Variants in SPOCK2 observed in about 807,000 individuals in gnomAD.
SPOCK2 encodes the protein SPARC (osteonectin), cwcv and kazal like domains proteoglycan 2.
SPOCK2 carries 39 observed loss-of-function variants against 60.1 expected under a neutral mutation model. The ratio of observed to expected loss-of-function variants is 0.65; its 90% CI spans 0.50 to 0.85. The LOEUF is 0.85. Among genes scored for constraint, SPOCK2 ranks in the 40% least tolerant of loss-of-function variants. SPOCK2 has a pLI of 0.00. For synonymous variants in SPOCK2, 217 were observed against 231.5 expected, an observed-to-expected ratio of 0.94 and a Z score of 0.57; for missense variants, 523 against 567.4, an observed-to-expected ratio of 0.92 and a Z score of 0.80.
At chr10:72,068,453 C>T (rs192108983) in intron 5 of SPOCK2, 152 bp from the exon 6 acceptor site, 2 of 789,798 alleles carry the variant, frequency 2.5e-6, no homozygotes, top group Non-Finnish European at 4.0e-6. Flanking sequence ...GGTTCCTCTG[C>T]AGACTGAGGT....
chr10:72,089,024 A>AT (rs1281266239), upstream of SPOCK2: 10 of 152,282 alleles, frequency 6.6e-5, no homozygotes, highest in Non-Finnish European at 1.5e-4. Context: ...CAAAAGCCGT[A>AT]TAACAACTGG....
intron 1 of SPOCK2, among the ~76,000 whole-genome samples, chr10:72,074,776 T>C (rs1840693628): frequency 6.6e-6 from 1 of 152,164 alleles, no homozygotes; most frequent in South Asian, 2.1e-4. Context: ...TCTCTCCCTC[T>C]CTCTCCTTCT....
At chr10:72,068,036 TG>T in intron 6 of SPOCK2, 150 bp downstream of exon 6, 1 of 949,330 alleles carries the variant, frequency 1.1e-6, no homozygotes, top group Non-Finnish European at 1.6e-6. Flanking sequence ...TGTGTTAATC[TG>T]GGCCTCTGAC....
In SPOCK2 at chr10:72,060,721, G is replaced by C. The variant is rs1044731607; in HGVS notation, c.*2039C>G. The stretch of plus-strand genomic sequence containing the variant: ...AGAGGACAGGAGAAAGAGGGGACTG[G>C]GGGACCTGGAACGACGCGACACCTC... On this transcript the variant is annotated 3_prime_UTR_variant, in exon 11 of 11. Coordinates refer to ENST00000373109, the MANE Select transcript of SPOCK2 (RefSeq NM_001244950.2). The C allele has an allele frequency of 6.5e-6, 1 of 152,908 alleles. No homozygotes were observed. The highest frequency in any genetic ancestry group is 2.4e-5 in the African/African-American group (1 of 41,420). The allele number at this position is 152,908 out of a possible 1,614,324, so 9.5% of individuals were successfully genotyped here.
At chr10:72,078,371 T>C (rs974928756) in intron 1 of SPOCK2, among the ~76,000 whole-genome samples, 26 of 151,782 alleles carry the variant, frequency 1.7e-4, no homozygotes, top group Non-Finnish European at 3.4e-4. Context: ...AATAGCCGTG[T>C]GTGATGGCGG....
At chr10:72,080,783 G>A (rs913093445) in intron 1 of SPOCK2, among the ~76,000 whole-genome samples, 1 of 152,164 alleles carries the variant, frequency 6.6e-6, no homozygotes, top group Non-Finnish European at 1.5e-5. Flanking sequence ...GGACAAAAAT[G>A]TGCATATCAT....
intron 1 of SPOCK2, among the ~76,000 whole-genome samples, chr10:72,075,845 G>A (rs746389022): frequency 2.4e-4 from 37 of 152,164 alleles, no homozygotes; most frequent in African/African-American, 8.0e-4. Context: ...AGAGAGGGAC[G>A]AGGAGAGCAG....
chr10:72,069,950 C>T (rs1840622419), intron 5 of SPOCK2: 1 of 177,930 alleles, frequency 5.6e-6, no homozygotes, highest in Non-Finnish European at 1.2e-5. Context: ...CTCCTTTCTT[C>T]CCCCACTAAC....
chr10:72,083,938 G>T (rs1840821754), intron 1 of SPOCK2, among the ~76,000 whole-genome samples: 1 of 152,170 alleles, frequency 6.6e-6, no homozygotes. Flanking sequence ...CACTCGCAGT[G>T]GTTTAGGTGT....
intron 1 of SPOCK2, among the ~76,000 whole-genome samples, chr10:72,076,627 C>T (rs986417882): frequency 1.3e-5 from 2 of 152,170 alleles, no homozygotes; most frequent in African/African-American, 4.8e-5. Flanking sequence ...CCATGTTGCC[C>T]AGGCTGGTCT....
At chr10:72,069,923 G>A (rs1378088073) in intron 5 of SPOCK2, 7 of 168,680 alleles carry the variant, frequency 4.1e-5, no homozygotes, top group East Asian at 3.5e-4. Context: ...GAACACTGGC[G>A]CCTCCCTGTG....
chr10:72,080,373 G>A (rs1255545703), intron 1 of SPOCK2, among the ~76,000 whole-genome samples: 2 of 152,214 alleles, frequency 1.3e-5, no homozygotes, highest in African/African-American at 2.4e-5. Flanking sequence ...CTCAGGCAAC[G>A]GGGCCTGTGA....
intron 1 of SPOCK2, chr10:72,086,755 T>C: frequency 6.9e-7 from 1 of 1,447,684 alleles, no homozygotes. Context: ...CCGTGGTTCC[T>C]GCTGTCCTCT....
chr10:72,072,934 G>A lies in SPOCK2; in HGVS notation c.190-24C>T. Reference sequence around the variant, plus strand: ...TCCTGGAGATCAGGGAACAGCAGCAGGCCATGGAAAACGGAGCAGGAAGAG... The same window carrying A: ...TCCTGGAGATCAGGGAACAGCAGCAAGCCATGGAAAACGGAGCAGGAAGAG... On this transcript the variant is annotated intron_variant, in intron 1 of 10. Coordinates refer to ENST00000373109, the MANE Select transcript of SPOCK2 (RefSeq NM_001244950.2). 3.2e-6 allele frequency: 5 copies of A among 1,554,356 alleles called. No individual in the cohort carries two copies. In the South Asian group the frequency reaches 3.6e-5, roughly 11 times the overall value.
intron 1 of SPOCK2, among the ~76,000 whole-genome samples, chr10:72,082,312 A>T (rs2131822662): frequency 6.6e-6 from 1 of 152,302 alleles, no homozygotes; most frequent in Admixed American, 6.5e-5. Context: ...AGTGGTATCT[A>T]AACTGTGTAT....
intron 1 of SPOCK2, chr10:72,086,485 A>C: frequency 1.9e-6 from 2 of 1,068,148 alleles, no homozygotes; most frequent in Non-Finnish European, 2.3e-6. Flanking sequence ...TCAAACAGCC[A>C]GCGAGTCGGA....
intron 5 of SPOCK2, 77 bp from the exon 6 acceptor site, chr10:72,068,378 C>G (rs891310664): frequency 1.3e-5 from 19 of 1,429,354 alleles, no homozygotes. Context: ...ACCCTCAAGC[C>G]TCTCATGGCA....
In SPOCK2 at chr10:72,081,867, G is replaced by A. The variant is rs1840788280; in HGVS notation, c.189+6273C>T. 3.9e-5 allele frequency among the ~76,000 whole-genome samples: 6 copies of A among 152,276 alleles called. No individual in the cohort carries two copies. The South Asian group carries it at 1.2e-3, about 32-fold the overall frequency. The stretch of plus-strand genomic sequence containing the variant: ...CTTGAACCCACAGCAGGGCTACTTG[G>A]AGAGGGGAGGGAGGGGTGCAGAGAA... On this transcript the variant is annotated intron_variant, in intron 1 of 10. Coordinates refer to ENST00000373109, the MANE Select transcript of SPOCK2 (RefSeq NM_001244950.2).
chr10:72,063,027 C>T lies in SPOCK2; in HGVS notation c.1127G>A (p.Cys376Tyr). Residue 376 changes from cysteine to tyrosine, a missense_variant and splice_region_variant, in exon 10 of 11, where the codon TGC (cysteine) becomes TAC (tyrosine). Transcript: ENST00000373109. Reference sequence around the variant, plus strand: ...GCCCTGAGCTGCCCAGCCCGTACCGCAGTCGGGGCTCCCATGCGTGCGCGT... The same window carrying T: ...GCCCTGAGCTGCCCAGCCCGTACCGTAGTCGGGGCTCCCATGCGTGCGCGT... ...TGTRTHGSPD[C>Y]DDIVGFSGDF... 2 of 1,557,628 alleles carry T rather than the reference C, an allele frequency of 1.3e-6. No homozygotes were observed. Among genetic ancestry groups the T allele is most frequent in the Non-Finnish European group, 1.7e-6 (2 of 1,150,630 alleles).
Sources: gnomAD v4.1 joint callset for allele counts (sites outside exome capture counted in the v4.1 genomes callset) on GRCh38, gnomAD v4.1.1 for gene constraint, MANE v1.5 for transcripts, NCBI Gene and HGNC (gene_info 2026-07-23, HGNC 2026-07-21) for gene names.